The following LRSAM1 variants were observed in gnomAD, a reference collection of about 807,000 sequenced individuals.
The protein encoded by LRSAM1 is leucine rich repeat and sterile alpha motif containing 1, also known as E3 ubiquitin-protein ligase LRSAM1.
A neutral mutation model predicts 118.1 loss-of-function variants in LRSAM1; 96 were observed. The ratio of observed to expected loss-of-function variants is 0.81; its 90% CI spans 0.69 to 0.96. The LOEUF (loss-of-function observed/expected upper bound fraction) is 0.96. Among genes scored for constraint, LRSAM1 ranks in the 40% least tolerant of loss-of-function variants. The pLI, the probability that LRSAM1 is intolerant of heterozygous loss-of-function variation, is 0.00. For missense variants in LRSAM1, 804 were observed against 915.5 expected (o/e 0.88, Z 1.57); for synonymous variants, 322 against 364.2 (o/e 0.88, Z 1.32).
intron 6 of LRSAM1, among the ~76,000 whole-genome samples, 186 bp downstream of exon 6, chr9:127,457,579 T>A (rs1328164218): frequency 5.3e-5 from 8 of 152,184 alleles, no homozygotes; most frequent in African/African-American, 1.7e-4. Flanking sequence ...GTGACAAAGA[T>A]GACCAGCCAC....
At chr9:127,483,049 C>T in intron 16 of LRSAM1, 29 bp downstream of exon 16, 2 of 1,603,724 alleles carry the variant, frequency 1.2e-6, no homozygotes, top group South Asian at 1.1e-5. Flanking sequence ...AGCTTGTGAG[C>T]ACGCTGCCTG....
chr9:127,491,454 A>AC lies in LRSAM1; in HGVS notation c.1503+165dup, dbSNP rs1159417458. ...CTCTGTGGCTGTGACACCAGAGGAC[A>AC]CCCCCCAGCCCCAGAAGGCCCAGCG... On this transcript the variant is annotated intron_variant, in intron 20 of 25. Coordinates refer to ENST00000300417, the MANE Select transcript of LRSAM1 (RefSeq NM_001005373.4). Among the ~76,000 whole-genome samples the AC allele has an allele frequency of 2.0e-5, 3 of 152,000 alleles. No homozygotes were observed. In the East Asian group the frequency reaches 5.8e-4, roughly 30 times the overall value.
rs983338994 is a variant in LRSAM1 at position 127,465,643 on chromosome 9, G to A, written c.529-2097G>A. ...CGTTCACTCAACACCCACCGTGTGAGGGCTGGGCTGGCCAGGGCTGGGGGA... is the reference window on the plus strand; with the variant it reads ...CGTTCACTCAACACCCACCGTGTGAAGGCTGGGCTGGCCAGGGCTGGGGGA... On this transcript the variant is annotated intron_variant, in intron 9 of 25. Transcript: ENST00000300417. The surrounding 1 kb of genome is among the most constrained non-coding windows in gnomAD (Gnocchi z 4.1). Among the ~76,000 whole-genome samples, 1 of 152,222 alleles carries A rather than the reference G, an allele frequency of 6.6e-6. No homozygotes were observed. Among genetic ancestry groups the A allele is most frequent in the African/African-American group, 2.4e-5 (1 of 41,468 alleles).
At chr9:127,500,113 C>T (rs1210891853) in intron 24 of LRSAM1, among the ~76,000 whole-genome samples, 2 of 150,626 alleles carry the variant, frequency 1.3e-5, no homozygotes, top group South Asian at 2.1e-4. Flanking sequence ...GTAATCCCAG[C>T]GCTCTGGGAG....
chr9:127,489,381 G>C, intron 18 of LRSAM1, 63 bp from the exon 19 acceptor site: 1 of 1,553,244 alleles, frequency 6.4e-7, no homozygotes, highest in Non-Finnish European at 8.7e-7. Flanking sequence ...TTTTCACAGG[G>C]ATGGGGCTGC....
At chr9:127,484,263 C>CTTTTTTTTTTTTTTTTTTCTT (rs35834839) in intron 16 of LRSAM1, among the ~76,000 whole-genome samples, 2 of 133,684 alleles carry the variant, frequency 1.5e-5, no homozygotes, top group Non-Finnish European at 3.1e-5. Flanking sequence ...ATTTCTTTCC[C>CTTTTTTTTTTTTTTTTTTCTT]TTTTTTTTTT....
At chr9:127,499,873 C>T (rs572257342) in intron 24 of LRSAM1, among the ~76,000 whole-genome samples, 41 of 150,578 alleles carry the variant, frequency 2.7e-4, no homozygotes, top group Admixed American at 4.6e-4. Context: ...TGCAGTGAGC[C>T]GAGATCGCAC....
intron 14 of LRSAM1, among the ~76,000 whole-genome samples, chr9:127,480,430 C>T (rs772858883): frequency 9.2e-5 from 14 of 152,112 alleles, no homozygotes; most frequent in Non-Finnish European, 1.5e-4. Context: ...GGAGACATGG[C>T]GCCAGAAAAG....
chr9:127,487,857 A>G, intron 18 of LRSAM1, 94 bp downstream of exon 18: 8 of 1,027,976 alleles, frequency 7.8e-6, no homozygotes, highest in Middle Eastern at 2.7e-4. Flanking sequence ...CCCTTCCTAG[A>G]CAGCATGTGG....
At chr9:127,458,595 A>T (rs541452067) in intron 6 of LRSAM1, among the ~76,000 whole-genome samples, 19 of 150,826 alleles carry the variant, frequency 1.3e-4, no homozygotes, top group Non-Finnish European at 2.1e-4. Context: ...AAAACAAAAT[A>T]AAATAAAATT....
At chr9:127,493,142 G>GATCCCACTCC (rs1835995356) in intron 21 of LRSAM1, among the ~76,000 whole-genome samples, 1 of 152,152 alleles carries the variant, frequency 6.6e-6, no homozygotes, top group South Asian at 2.1e-4. Flanking sequence ...GCTCACTGCA[G>GATCCCACTCC]CCTTGACTTC....
chr9:127,502,929 A>G lies in LRSAM1; in HGVS notation c.*30A>G, dbSNP rs1222608028. The G allele has an allele frequency of 6.4e-7, 1 of 1,571,702 alleles. No homozygotes were observed. The highest frequency in any genetic ancestry group is 8.6e-7 in the Non-Finnish European group (1 of 1,159,874). ...TGCCCGCCCACCTGGGCCTGGTCCT[A>G]GCCCTGCCTCGGCCACTGTGAGCCC... On this transcript the variant is annotated 3_prime_UTR_variant, in exon 26 of 26. Transcript: ENST00000300417.
intron 10 of LRSAM1, among the ~76,000 whole-genome samples, chr9:127,469,689 C>T (rs892222602): frequency 6.6e-6 from 1 of 151,898 alleles, no homozygotes; most frequent in Non-Finnish European, 1.5e-5. Context: ...ATAGGCCGGG[C>T]GCGGTGGCTC....
At chr9:127,468,058 C>T (rs1835027195) in intron 10 of LRSAM1, among the ~76,000 whole-genome samples, 1 of 152,170 alleles carries the variant, frequency 6.6e-6, no homozygotes, top group Non-Finnish European at 1.5e-5. Context: ...AGGTTGGGGC[C>T]ACAGGGAAGG....
chr9:127,459,399 A>G (rs1274319219), intron 7 of LRSAM1, among the ~76,000 whole-genome samples: 3 of 151,574 alleles, frequency 2.0e-5, no homozygotes, highest in Non-Finnish European at 2.9e-5. Flanking sequence ...TTGTATTTTT[A>G]GTAGAGATGG....
chr9:127,479,255 A>G, intron 12 of LRSAM1, 128 bp from the exon 13 acceptor site: 1 of 1,345,574 alleles, frequency 7.4e-7, no homozygotes, highest in Non-Finnish European at 1.1e-6. Flanking sequence ...CCTGGAGGGG[A>G]GTGGGGGTTG....
intron 24 of LRSAM1, among the ~76,000 whole-genome samples, 162 bp downstream of exon 24, chr9:127,497,496 G>A (rs141247194): frequency 6.6e-6 from 1 of 152,372 alleles, no homozygotes; most frequent in Non-Finnish European, 1.5e-5. Flanking sequence ...TTAGGGATCA[G>A]TGAGCCCATT....
chr9:127,459,192 T>G, intron 7 of LRSAM1, 121 bp downstream of exon 7: 1 of 875,592 alleles, frequency 1.1e-6, no homozygotes, highest in South Asian at 1.4e-5. Context: ...CAGTGCCAGC[T>G]CCACCCTCCC....
intron 10 of LRSAM1, chr9:127,470,950 T>C (rs1382740795): frequency 6.6e-6 from 1 of 152,060 alleles, no homozygotes; most frequent in Non-Finnish European, 1.5e-5. Context: ...TGTTCCACTC[T>C]TTCTCCTCTT....
Sources: gnomAD v4.1 joint callset for allele counts (sites outside exome capture counted in the v4.1 genomes callset) on GRCh38, gnomAD v4.1.1 for gene constraint, Gnocchi (gnomAD v3.1) non-coding constraint, MANE v1.5 for transcripts, NCBI Gene and HGNC (gene_info 2026-07-23, HGNC 2026-07-21) for gene names.